The following MED13 variants were observed in gnomAD, a reference collection of about 807,000 sequenced individuals.
MED13 encodes mediator of RNA polymerase II transcription subunit 13.
A neutral mutation model predicts 225.2 loss-of-function variants in MED13; 23 were observed. That is an observed-to-expected ratio of 0.10 (90% confidence interval 0.07 to 0.14). MED13 has a LOEUF of 0.14. MED13 is among the 10% of genes least tolerant of loss of function. MED13 has a pLI of 1.00. For synonymous variants in MED13, 942 were observed against 889.2 expected (o/e 1.06, Z -1.06); for missense variants, 2,197 against 2,594.5 (o/e 0.85, Z 3.33).
intron 8 of MED13, among the ~76,000 whole-genome samples, chr17:62,024,253 C>T (rs2080678050): frequency 6.6e-6 from 1 of 152,064 alleles, no homozygotes; most frequent in Non-Finnish European, 1.5e-5. Context: ...CCTGACCTCA[C>T]GTGATCCACC....
chr17:62,041,900 T>C (rs1303615829), intron 3 of MED13, among the ~76,000 whole-genome samples: 1 of 152,198 alleles, frequency 6.6e-6, no homozygotes, highest in Non-Finnish European at 1.5e-5. Context: ...GCCATCTTAA[T>C]TCTGAGATTA....
chr17:61,983,809 A>C (rs1251233487), intron 15 of MED13, among the ~76,000 whole-genome samples: 1 of 151,264 alleles, frequency 6.6e-6, no homozygotes, highest in African/African-American at 2.4e-5. Context: ...GCTCCCTGCA[A>C]TGCCTGACTC....
At chr17:61,987,586 GA>G (rs576996049) in intron 11 of MED13, among the ~76,000 whole-genome samples, 12 of 151,704 alleles carry the variant, frequency 7.9e-5, no homozygotes, top group Admixed American at 2.6e-4. Flanking sequence ...TGTTTTTATA[GA>G]AAAAAAAGTT....
chr17:62,035,639 G>T, intron 3 of MED13, 31 bp from the exon 4 acceptor site: 1 of 1,583,200 alleles, frequency 6.3e-7, no homozygotes, highest in Non-Finnish European at 8.6e-7. Context: ...TTATCTTAGT[G>T]ATGACTAGTG....
At position 61,982,887 on chromosome 17, in the gene MED13, G is replaced by A. The variant is rs754469186; in HGVS notation, c.3116C>T (p.Ser1039Leu). 6.2e-7 allele frequency: 1 copy of A among 1,614,166 alleles called. No individual in the cohort carries two copies. The highest frequency in any genetic ancestry group is 1.1e-5 in the South Asian group (1 of 91,078). ...GGTAGAAGCTGGTGAATACAAGTCT[G>A]AATTTTCATATTTGACTGAACCTTG... The part of the protein sequence containing the change: ...SAQGSVKYEN[S>L]DLYSPASTPS... Residue 1039 changes from serine to leucine, a missense_variant, in exon 16 of 30, where the codon TCA becomes TTA. Coordinates refer to ENST00000397786, the MANE Select transcript of MED13 (RefSeq NM_005121.3).
intron 16 of MED13, among the ~76,000 whole-genome samples, chr17:61,973,614 TATTAA>T: frequency 6.6e-6 from 1 of 152,344 alleles, no homozygotes; most frequent in Middle Eastern, 3.4e-3. Context: ...AGCACAGTTA[TATTAA>T]ATTATTCAAT....
intron 9 of MED13, among the ~76,000 whole-genome samples, chr17:62,010,129 G>A (rs1776128056): frequency 6.6e-6 from 1 of 152,024 alleles, no homozygotes; most frequent in Non-Finnish European, 1.5e-5. Context: ...GGCTGAGGCA[G>A]GAGGGTCGCT....
chr17:61,958,178 A>AT (rs947716918), intron 23 of MED13, among the ~76,000 whole-genome samples: 4 of 146,844 alleles, frequency 2.7e-5, no homozygotes, highest in Non-Finnish European at 6.0e-5. Flanking sequence ...ATTACTTATT[A>AT]TTTTTTTGAC....
Position 61,992,925 on chromosome 17 carries a change from C to T in MED13, c.2182-304G>A, listed in dbSNP as rs184482798. Among the ~76,000 whole-genome samples the T allele has an allele frequency of 2.9e-3, 437 of 152,240 alleles. 3 individuals carry two copies. The highest frequency in any genetic ancestry group is 0.01 in the African/African-American group (424 of 41,538). ...AGGACTACAGACACATGCCACCACG[C>T]CCAGCTAATTTTTGTATTTTTAGTA... On this transcript the variant is annotated intron_variant, in intron 10 of 29. Coordinates refer to ENST00000397786, the MANE Select transcript of MED13 (RefSeq NM_005121.3).
chr17:62,055,585 G>A (rs920913486), intron 2 of MED13, among the ~76,000 whole-genome samples: 1 of 152,016 alleles, frequency 6.6e-6, no homozygotes, highest in Non-Finnish European at 1.5e-5. Context: ...CACTTTGGGA[G>A]GTCGAGGCAG....
chr17:61,991,072 CA>C (rs1165051036), intron 11 of MED13, among the ~76,000 whole-genome samples: 1 of 152,132 alleles, frequency 6.6e-6, no homozygotes, highest in Non-Finnish European at 1.5e-5. Flanking sequence ...TTCTATGTCA[CA>C]ACACAATCAT....
chr17:62,047,627 C>T (rs530242822), intron 3 of MED13, among the ~76,000 whole-genome samples: 13 of 152,090 alleles, frequency 8.5e-5, no homozygotes, highest in African/African-American at 2.7e-4. Context: ...ACCCAGATGA[C>T]GGGCTGATAG....
At position 62,052,248 on chromosome 17, in the gene MED13, G is replaced by A. The variant is rs377415588; in HGVS notation, c.470+289C>T. Among the ~76,000 whole-genome samples, 4 of 152,142 alleles carry A rather than the reference G, an allele frequency of 2.6e-5. No homozygotes were observed. In the East Asian group the frequency reaches 7.7e-4, roughly 29 times the overall value. ...AATACTAAAAAAAAGATACTTCCAAGCCTAAGTCTCTGCTTTCATCCCACA... is the reference window on the plus strand; with the variant it reads ...AATACTAAAAAAAAGATACTTCCAAACCTAAGTCTCTGCTTTCATCCCACA... On this transcript the variant is annotated intron_variant, in intron 3 of 29. Coordinates refer to ENST00000397786, the MANE Select transcript of MED13 (RefSeq NM_005121.3).
At chr17:61,965,781 A>G (rs1455707436) in intron 19 of MED13, among the ~76,000 whole-genome samples, 1 of 152,228 alleles carries the variant, frequency 6.6e-6, no homozygotes, top group Admixed American at 6.5e-5. Context: ...AATATTCATC[A>G]AACTATTCAA....
At chr17:61,949,605 C>T (rs1008871311) in intron 28 of MED13, among the ~76,000 whole-genome samples, 1 of 152,002 alleles carries the variant, frequency 6.6e-6, no homozygotes, top group Non-Finnish European at 1.5e-5. Context: ...TTTTTTAACA[C>T]AGCAATCTAC....
intron 26 of MED13, among the ~76,000 whole-genome samples, chr17:61,954,812 A>G (rs190619559): frequency 6.6e-6 from 1 of 152,182 alleles, no homozygotes; most frequent in Non-Finnish European, 1.5e-5. Flanking sequence ...GATTTATGGG[A>G]TAATTCACAG....
chr17:61,959,139 G>C (rs1390148337), intron 23 of MED13, among the ~76,000 whole-genome samples: 1 of 152,146 alleles, frequency 6.6e-6, no homozygotes, highest in South Asian at 2.1e-4. Flanking sequence ...AAGTAGCTGG[G>C]ATTAAAGGCA....
At chr17:62,046,081 A>C (rs1188337940) in intron 3 of MED13, among the ~76,000 whole-genome samples, 1 of 152,220 alleles carries the variant, frequency 6.6e-6, no homozygotes, top group African/African-American at 2.4e-5. Context: ...TTATACCAAA[A>C]GTGAATTGAT....
Position 61,962,836 on chromosome 17 carries a change from A to G in MED13, c.4980T>C (p.Ser1660=). Residue 1660 remains serine, a synonymous_variant, in exon 21 of 30, where the codon AGT becomes AGC. Coordinates refer to ENST00000397786, the MANE Select transcript of MED13 (RefSeq NM_005121.3). ...ATCGAAGTAGCCCCAATGTCCACAC[A>G]CTAGAAGAGTTAGTGCTCTCGTCTG... The part of the protein sequence containing the change: ...ENTDESTNSS[S]VWTLGLLRCF... The G allele has an allele frequency of 6.2e-7, 1 of 1,614,136 alleles. No homozygotes were observed. The highest frequency in any genetic ancestry group is 8.5e-7 in the Non-Finnish European group (1 of 1,180,006).
Sources: allele counts gnomAD v4.1 joint callset (sites outside exome capture counted in the v4.1 genomes callset), GRCh38; gene constraint gnomAD v4.1.1; transcripts MANE v1.5; gene names NCBI Gene and HGNC (gene_info 2026-07-23, HGNC 2026-07-21).